Variants in BRAP observed in about 807,000 individuals in gnomAD.
BRAP encodes BRCA1-associated protein.
BRAP carries 42 observed loss-of-function variants against 73.4 expected under a neutral mutation model. That is an observed-to-expected ratio of 0.57 (90% confidence interval 0.45 to 0.74). BRAP has a LOEUF of 0.74. Among genes scored for constraint, BRAP ranks in the 30% least tolerant of loss-of-function variants. The pLI is 0.00. For synonymous variants in BRAP, 255 were observed against 267.4 expected, an observed-to-expected ratio of 0.95 and a Z score of 0.45; for missense variants, 593 against 751.4, an observed-to-expected ratio of 0.79 and a Z score of 2.46.
intron 4 of BRAP, 177 bp from the exon 5 acceptor site, chr12:111,672,951 C>G (rs552946518): frequency 1.8e-6 from 1 of 552,106 alleles, no homozygotes; most frequent in Admixed American, 3.3e-5. Context: ...TAATCACACT[C>G]TGTAAGTCAA....
rs762055334 is a variant in BRAP, at chr12:111,665,623, CG to C, written c.896+15del. The C allele has an allele frequency of 3.1e-6, 5 of 1,613,824 alleles. No individual in the cohort carries two copies. The highest frequency in any genetic ancestry group is 4.2e-6 in the Non-Finnish European group (5 of 1,179,918). ...CAATGGGCTTGTACACAGAGGGGTT[CG>C]GCCCCTGCACTCACGTGGTATCGTC... is the stretch of plus-strand genomic sequence containing the variant. On this transcript the variant is annotated intron_variant, in intron 6 of 11. Coordinates refer to ENST00000419234, the MANE Select transcript of BRAP (RefSeq NM_006768.5). This position sits in a 1 kb window ranked among gnomAD's most constrained non-coding sequence, Gnocchi z 4.3.
chr12:111,672,298 ACACT>A (rs1240902016), intron 5 of BRAP, among the ~76,000 whole-genome samples: 2 of 152,188 alleles, frequency 1.3e-5, no homozygotes, highest in Non-Finnish European at 2.9e-5. Flanking sequence ...GAATTGATAA[ACACT>A]CAATTTCAAC....
rs902059831 is a variant in BRAP, at chr12:111,685,898, G to A, written c.-106C>T. On this transcript the variant is annotated 5_prime_UTR_variant, in exon 1 of 12. Transcript: ENST00000419234. ...CCGGCAGCGCCGCCACCACCTCAAT[G>A]CAGTTGCCGCCGCCTCAGCAGCAGC... 14 of 644,080 alleles carry A rather than the reference G, an allele frequency of 2.2e-5. No homozygotes were observed. Among genetic ancestry groups the A allele is most frequent in the Admixed American group, 4.5e-5 (1 of 22,364 alleles). 39.9% of individuals were successfully genotyped at this position (644,080 alleles called of 1,614,324 possible).
At chr12:111,666,448 T>C (rs1886947233) in intron 5 of BRAP, among the ~76,000 whole-genome samples, 1 of 152,176 alleles carries the variant, frequency 6.6e-6, no homozygotes, top group Non-Finnish European at 1.5e-5. Context: ...TATTCCCTCA[T>C]TGTACAGATA....
intron 4 of BRAP, 39 bp downstream of exon 4, chr12:111,679,112 T>C (rs1887497764): frequency 7.2e-7 from 1 of 1,387,332 alleles, no homozygotes. Flanking sequence ...CCACAGTTTC[T>C]GTGGCAAAGA....
intron 4 of BRAP, among the ~76,000 whole-genome samples, chr12:111,675,006 G>A (rs1247737619): frequency 6.6e-6 from 1 of 152,146 alleles, no homozygotes; most frequent in Non-Finnish European, 1.5e-5. Flanking sequence ...TAAGGCATGT[G>A]ACCAAAACCA....
intron 10 of BRAP, among the ~76,000 whole-genome samples, chr12:111,652,966 C>T (rs1232415252): frequency 6.6e-6 from 1 of 152,186 alleles, no homozygotes; most frequent in Non-Finnish European, 1.5e-5. Context: ...GCCTTGGTCT[C>T]CCAAAGTGCT....
chr12:111,658,916 A>T, intron 8 of BRAP, 71 bp from the exon 9 acceptor site: 19 of 1,260,166 alleles, frequency 1.5e-5, no homozygotes, highest in Non-Finnish European at 2.1e-5. Context: ...TAACTCTGAC[A>T]AAATTTTTTT....
intron 4 of BRAP, among the ~76,000 whole-genome samples, chr12:111,678,904 T>C (rs1887489727): frequency 6.6e-6 from 1 of 151,512 alleles, no homozygotes; most frequent in Non-Finnish European, 1.5e-5. Flanking sequence ...GGAGGATTGC[T>C]TGAGGCCAAG....
In BRAP at chr12:111,643,192, A is replaced by G. The variant is rs939324372; in HGVS notation, c.*1007T>C. 1.3e-5 allele frequency: 2 copies of G among 152,194 alleles called. No individual in the cohort carries two copies. Among genetic ancestry groups the G allele is most frequent in the African/African-American group, 2.4e-5 (1 of 41,444 alleles). The allele number at this position is 152,194 out of a possible 1,614,324, so 9.4% of individuals were successfully genotyped here. On this transcript the variant is annotated 3_prime_UTR_variant, in exon 12 of 12. Transcript: ENST00000419234. ...GACTGTTCTAAAGGGGGCTCTGTTG[A>G]AATTCTAATTTTAGGATTTAGAAAC...
At chr12:111,646,665 C>T (rs938645468) in intron 11 of BRAP, among the ~76,000 whole-genome samples, 3 of 151,816 alleles carry the variant, frequency 2.0e-5, no homozygotes, top group African/African-American at 4.8e-5. Flanking sequence ...CCCAGCTACT[C>T]GGGAGGGTGA....
chr12:111,674,884 C>G (rs984124251), intron 4 of BRAP, among the ~76,000 whole-genome samples: 2 of 152,146 alleles, frequency 1.3e-5, no homozygotes, highest in African/African-American at 4.8e-5. Flanking sequence ...AAGTCAGGGC[C>G]TTCTCTCACC....
Position 111,644,501 on chromosome 12 carries a change from T to C in BRAP, c.1477A>G (p.Met493Val). 6.2e-7 allele frequency: 1 copy of C among 1,614,192 alleles called. No individual in the cohort carries two copies. The highest frequency in any genetic ancestry group is 8.5e-7 in the Non-Finnish European group (1 of 1,180,026). The stretch of plus-strand genomic sequence containing the variant: ...TGGTTGGCTCGCAAACACTTGTTCA[T>C]TTCCTGCTCCTCTTTGAGCTCGTTG... ...LTNELKEEQEMNKCLRANQVL... is the reference protein window; with the variant it reads ...LTNELKEEQEVNKCLRANQVL... Residue 493 changes from methionine (M) to valine (V), a missense_variant, in exon 12 of 12, where the codon ATG becomes GTG. By Grantham distance (21) the Met-to-Val change is conservative (BLOSUM62 1). This residue lies in a region of BRAP where 143 missense variants were observed against 190.4 expected (regional missense o/e 0.75). Coordinates refer to ENST00000419234, the MANE Select transcript of BRAP (RefSeq NM_006768.5).
At chr12:111,652,400 T>C (rs1380236700) in intron 10 of BRAP, among the ~76,000 whole-genome samples, 1 of 152,070 alleles carries the variant, frequency 6.6e-6, no homozygotes, top group Non-Finnish European at 1.5e-5. Flanking sequence ...ATTTTTTGTA[T>C]TTTTAGTACA....
At chr12:111,680,271 A>G (rs2135929984) in intron 3 of BRAP, among the ~76,000 whole-genome samples, 1 of 152,150 alleles carries the variant, frequency 6.6e-6, no homozygotes, top group Non-Finnish European at 1.5e-5. Context: ...ATTCTAAACC[A>G]TGAGGATGTA....
At chr12:111,668,650 T>A (rs1463313273) in intron 5 of BRAP, among the ~76,000 whole-genome samples, 1 of 152,098 alleles carries the variant, frequency 6.6e-6, no homozygotes, top group Non-Finnish European at 1.5e-5. Context: ...GAATTCTTTT[T>A]TTTTTTTTTT....
chr12:111,650,093 G>A, intron 10 of BRAP, 51 bp from the exon 11 acceptor site: 1 of 1,314,068 alleles, frequency 7.6e-7, no homozygotes, highest in Non-Finnish European at 1.1e-6. Context: ...AATGTGGTGT[G>A]CTCTTTGGGA....
intron 6 of BRAP, among the ~76,000 whole-genome samples, chr12:111,661,949 C>G (rs1204823141): frequency 6.6e-6 from 1 of 151,988 alleles, no homozygotes; most frequent in African/African-American, 2.4e-5. Flanking sequence ...ACTGGGATAA[C>G]AGGCATGAGC....
chr12:111,650,609 G>C (rs1566110837), intron 10 of BRAP, among the ~76,000 whole-genome samples: 1 of 152,038 alleles, frequency 6.6e-6, no homozygotes, highest in Non-Finnish European at 1.5e-5. Context: ...TGGCCAGGCT[G>C]GTCTCAAACT....
Sources: gnomAD v4.1 joint callset for allele counts (sites outside exome capture counted in the v4.1 genomes callset) on GRCh38, gnomAD v4.1.1 for gene constraint, gnomAD v4.1.1 regional missense constraint, Gnocchi (gnomAD v3.1) non-coding constraint, MANE v1.5 for transcripts, NCBI Gene and HGNC (gene_info 2026-07-23, HGNC 2026-07-21) for gene names.